The following DGKI variants were observed in gnomAD, a reference collection of about 807,000 sequenced individuals.
The protein encoded by DGKI is diacylglycerol kinase iota, also known as DAG kinase iota.
In DGKI, 55 loss-of-function variants were observed where a neutral mutation model predicts 147.5. The observed-to-expected ratio is 0.37, with a 90% confidence interval of 0.30 to 0.47. DGKI has a LOEUF of 0.47. Among genes scored for constraint, DGKI ranks in the 20% least tolerant of loss-of-function variants. The probability of loss-of-function intolerance (pLI) is 1.00; values close to 1 mark genes in which losing one functional copy is unlikely to be tolerated. For missense variants in DGKI, 1,007 were observed against 1,323.8 expected, an observed-to-expected ratio of 0.76 and a Z score of 3.71; for synonymous variants, 469 against 477.1, an observed-to-expected ratio of 0.98 and a Z score of 0.22.
intron 15 of DGKI, among the ~76,000 whole-genome samples, chr7:137,580,528 T>G (rs916004891): frequency 2.0e-5 from 3 of 152,150 alleles, no homozygotes; most frequent in Admixed American, 2.0e-4. Flanking sequence ...TACCAAACTA[T>G]GGCTTTCTCT....
At chr7:137,722,864 A>G (rs541805318) in intron 1 of DGKI, 2 of 969,938 alleles carry the variant, frequency 2.1e-6, no homozygotes, top group Admixed American at 4.5e-5. Context: ...ATGTCTTAAG[A>G]ACTTAATTAA....
intron 19 of DGKI, among the ~76,000 whole-genome samples, chr7:137,554,818 C>T (rs1372940696): frequency 6.6e-6 from 1 of 151,420 alleles, no homozygotes; most frequent in East Asian, 1.9e-4. Flanking sequence ...GGAGATCAAG[C>T]GCAAGAGATC....
intron 17 of DGKI, among the ~76,000 whole-genome samples, chr7:137,574,530 A>C (rs1460657084): frequency 6.6e-6 from 1 of 152,168 alleles, no homozygotes; most frequent in African/African-American, 2.4e-5. Flanking sequence ...TCATTTTTTA[A>C]CTTTCTACTT....
chr7:137,664,978 C>T (rs935137174), intron 3 of DGKI, among the ~76,000 whole-genome samples: 12 of 151,560 alleles, frequency 7.9e-5, no homozygotes, highest in African/African-American at 2.0e-4. Context: ...GAGTTCACCA[C>T]GTGGATATCT....
At chr7:137,754,763 G>C (rs894585300) in intron 1 of DGKI, among the ~76,000 whole-genome samples, 3 of 152,316 alleles carry the variant, frequency 2.0e-5, no homozygotes, top group African/African-American at 7.2e-5. Flanking sequence ...AGAAACGGCA[G>C]CGATGGCAGC....
chr7:137,430,750 T>G (rs1813038250), intron 28 of DGKI, among the ~76,000 whole-genome samples: 1 of 152,036 alleles, frequency 6.6e-6, no homozygotes, highest in Non-Finnish European at 1.5e-5. Context: ...GGGTACAGAT[T>G]TCTATAGAGA....
Position 137,525,446 on chromosome 7 carries a change from G to A in DGKI, c.2148-3480C>T, listed in dbSNP as rs575767577. Reference sequence around the variant, plus strand: ...GCATTAGACCCCAGGGTCAATAATGGTAAACCTTCTCGAATCATTTGCAAC... The same window carrying A: ...GCATTAGACCCCAGGGTCAATAATGATAAACCTTCTCGAATCATTTGCAAC... On this transcript the variant is annotated intron_variant, in intron 20 of 32. Transcript: ENST00000614521. Among the ~76,000 whole-genome samples the A allele has an allele frequency of 6.6e-5, 10 of 152,270 alleles. No individual in the cohort carries two copies. In the South Asian group the frequency reaches 1.7e-3, roughly 25 times the overall value.
At chr7:137,410,949 C>T (rs529277449) in intron 29 of DGKI, among the ~76,000 whole-genome samples, 2 of 152,314 alleles carry the variant, frequency 1.3e-5, no homozygotes, top group East Asian at 1.9e-4. Context: ...GCACAGGCAC[C>T]GTTTTCAGGA....
intron 19 of DGKI, among the ~76,000 whole-genome samples, chr7:137,566,289 C>T (rs1033409870): frequency 6.6e-6 from 1 of 151,702 alleles, no homozygotes; most frequent in African/African-American, 2.4e-5. Context: ...TAATTTACTT[C>T]CTTAGAAATA....
At chr7:137,478,022 T>G (rs967906509) in intron 23 of DGKI, among the ~76,000 whole-genome samples, 1 of 152,188 alleles carries the variant, frequency 6.6e-6, no homozygotes, top group Non-Finnish European at 1.5e-5. Context: ...TGTGCGTAAC[T>G]TTGTATAAAT....
At chr7:137,668,842 C>G (rs1209481487) in intron 3 of DGKI, among the ~76,000 whole-genome samples, 1 of 152,116 alleles carries the variant, frequency 6.6e-6, no homozygotes, top group Non-Finnish European at 1.5e-5. Flanking sequence ...GTAGGTGATG[C>G]TAAGACTCTC....
chr7:137,768,278 T>C (rs1476555838), intron 1 of DGKI, among the ~76,000 whole-genome samples: 1 of 152,128 alleles, frequency 6.6e-6, no homozygotes, highest in Non-Finnish European at 1.5e-5. Flanking sequence ...AGTATAAACA[T>C]AGTATTTAGA....
rs1562992696 is a variant in DGKI, at chr7:137,395,649, C to A, written c.3006G>T (p.Val1002=). The change falls in exon 32 of 33, where the codon GTG becomes GTT. Residue 1002 remains valine, a synonymous_variant. Coordinates refer to ENST00000614521, the MANE Select transcript of DGKI (RefSeq NM_001321708.2). The part of the protein sequence containing the change: ...HKAACQRNRA[V]CQLLVDAGAS... Reference sequence around the variant, plus strand: ...CTCCTGCATCCACCAGAAGCTGGCACACAGCCCGGTTCCGCTGGCAGGCAG... The same window carrying A: ...CTCCTGCATCCACCAGAAGCTGGCAAACAGCCCGGTTCCGCTGGCAGGCAG... 1 of 1,614,182 alleles carries A rather than the reference C, an allele frequency of 6.2e-7. No individual in the cohort carries two copies. Among genetic ancestry groups the A allele is most frequent in the Non-Finnish European group, 8.5e-7 (1 of 1,179,994 alleles).
At chr7:137,820,389 C>T (rs531864079) in intron 1 of DGKI, among the ~76,000 whole-genome samples, 4 of 152,318 alleles carry the variant, frequency 2.6e-5, no homozygotes, top group African/African-American at 7.2e-5. Flanking sequence ...CTGATTCATC[C>T]CACAGAAAAC....
rs886774584 is a variant in DGKI at position 137,385,902 on chromosome 7, A to C, written c.*5318T>G. On this transcript the variant is annotated 3_prime_UTR_variant, in exon 33 of 33. Transcript: ENST00000614521. ...CACATTGGAATTTGTCTTTTCTTCT[A>C]GATGCCAGCTTCATGAAATCAAGAG... 15 of 152,092 alleles carry C rather than the reference A, an allele frequency of 9.9e-5. No individual in the cohort carries two copies. The highest frequency in any genetic ancestry group is 6.6e-4 in the Admixed American group (10 of 15,250). 9.4% of individuals were successfully genotyped at this position (152,092 alleles called of 1,614,324 possible).
intron 12 of DGKI, among the ~76,000 whole-genome samples, chr7:137,594,769 C>A (rs1461032756): frequency 6.6e-6 from 1 of 152,000 alleles, no homozygotes; most frequent in Non-Finnish European, 1.5e-5. Context: ...TCTAAACTAA[C>A]AAAACAAAAA....
Position 137,762,789 on chromosome 7 carries a change from T to C in DGKI, c.402-72787A>G, listed in dbSNP as rs185386020. On this transcript the variant is annotated intron_variant, in intron 1 of 32. Transcript: ENST00000614521. Reference sequence around the variant, plus strand: ...CCGGGGCTGACCTCCACCAAAGTATTACAGGATACGTCTGCCTCCTGCTCT... The same window carrying C: ...CCGGGGCTGACCTCCACCAAAGTATCACAGGATACGTCTGCCTCCTGCTCT... 8.9e-4 allele frequency among the ~76,000 whole-genome samples: 136 copies of C among 152,300 alleles called. 1 individual carries two copies. Among genetic ancestry groups the C allele is most frequent in the Non-Finnish European group, 1.6e-3 (111 of 68,024 alleles).
chr7:137,627,997 C>T (rs1563119789), intron 6 of DGKI, among the ~76,000 whole-genome samples: 2 of 152,158 alleles, frequency 1.3e-5, no homozygotes. Context: ...TAACACTTTA[C>T]CTACTTATGT....
intron 1 of DGKI, among the ~76,000 whole-genome samples, chr7:137,816,070 A>G (rs1351403069): frequency 6.6e-6 from 1 of 152,096 alleles, no homozygotes; most frequent in Non-Finnish European, 1.5e-5. Context: ...CTTCACCTTG[A>G]TGGCTCACAG....
Sources: allele counts gnomAD v4.1 joint callset (sites outside exome capture counted in the v4.1 genomes callset), GRCh38; gene constraint gnomAD v4.1.1; transcripts MANE v1.5; gene names NCBI Gene and HGNC (gene_info 2026-07-23, HGNC 2026-07-21).